The following SYNPO2 variants were observed in gnomAD, a reference collection of about 807,000 sequenced individuals.
SYNPO2 encodes synaptopodin 2.
SYNPO2 carries 56 observed loss-of-function variants against 85.0 expected under a neutral mutation model. The observed-to-expected ratio is 0.66, with a 90% CI of 0.53 to 0.82. The LOEUF (loss-of-function observed/expected upper bound fraction) is 0.82, where lower values mean the gene tolerates loss of function less well. Among genes scored for constraint, SYNPO2 ranks in the 40% least tolerant of loss-of-function variants. The pLI is 0.00. For missense variants in SYNPO2, 1,575 were observed against 1,534.2 expected (o/e 1.03, Z -0.44); for synonymous variants, 602 against 591.1 (o/e 1.02, Z -0.27).
intron 2 of SYNPO2, among the ~76,000 whole-genome samples, chr4:119,026,180 G>A (rs1737934099): frequency 6.6e-6 from 1 of 152,156 alleles, no homozygotes; most frequent in South Asian, 2.1e-4. Context: ...GACTAGTTGA[G>A]TTATCTGTAA....
In SYNPO2 at chr4:119,057,986, C is replaced by G. The variant is rs1273087012; in HGVS notation, c.*52C>G. ...ACTGTAGTTTTTTAAAAAAAACGCTCCTTTGTAGGGTTTTAAACTTTTCTA... is the reference window on the plus strand; with the variant it reads ...ACTGTAGTTTTTTAAAAAAAACGCTGCTTTGTAGGGTTTTAAACTTTTCTA... On this transcript the variant is annotated 3_prime_UTR_variant, in exon 5 of 5. Transcript: ENST00000307142. 6.5e-7 allele frequency: 1 copy of G among 1,541,966 alleles called. No individual in the cohort carries two copies. Among genetic ancestry groups the G allele is most frequent in the East Asian group, 2.3e-5 (1 of 44,428 alleles).
rs1737120952 is a variant in SYNPO2 at position 119,007,360 on chromosome 4, C to T, written c.106-16070C>T. On this transcript the variant is annotated intron_variant, in intron 1 of 4. Coordinates refer to ENST00000307142, the MANE Select transcript of SYNPO2 (RefSeq NM_133477.3). Reference sequence around the variant, plus strand: ...ACTAACTTTTTTAAAAACTGGAAGGCATGGGAGAAAAAGATCATCCTGAAA... The same window carrying T: ...ACTAACTTTTTTAAAAACTGGAAGGTATGGGAGAAAAAGATCATCCTGAAA... 2.1e-5 allele frequency among the ~76,000 whole-genome samples: 3 copies of T among 140,496 alleles called. No individual in the cohort carries two copies. In the South Asian group the frequency reaches 6.8e-4, roughly 32 times the overall value. The allele number at this position is 140,496 out of a possible 152,430, so 92.2% of individuals were successfully genotyped here.
intron 2 of SYNPO2, 69 bp downstream of exon 2, chr4:119,023,650 C>A: frequency 6.9e-7 from 1 of 1,456,590 alleles, no homozygotes; most frequent in Non-Finnish European, 9.2e-7. Context: ...GCTTTTACTA[C>A]ATATATAACT....
chr4:118,926,616 C>T (rs1733719467), intron 1 of SYNPO2, among the ~76,000 whole-genome samples: 1 of 152,106 alleles, frequency 6.6e-6, no homozygotes, highest in African/African-American at 2.4e-5. Context: ...CAAAAACACA[C>T]AGCAACCCTG....
At chr4:119,036,729 A>T (rs1738526293) in intron 4 of SYNPO2, 1 of 986,804 alleles carries the variant, frequency 1.0e-6, no homozygotes, top group Admixed American at 6.1e-5. Flanking sequence ...AGATGCAGCC[A>T]GTTTCTTAAT....
At chr4:118,977,146 G>A (rs12500572) in intron 1 of SYNPO2, among the ~76,000 whole-genome samples, 1 of 152,012 alleles carries the variant, frequency 6.6e-6, no homozygotes, top group East Asian at 1.9e-4. Context: ...GCCCATGGAG[G>A]GGGTGGGAGG....
chr4:118,945,903 A>G (rs28606442), intron 1 of SYNPO2, among the ~76,000 whole-genome samples: 16,403 of 151,528 alleles, frequency 0.11, 952 homozygotes, highest in East Asian at 0.16. Flanking sequence ...GCACCACCAC[A>G]CCTGGCTAAT....
At chr4:119,022,652 G>A (rs1163018273) in intron 1 of SYNPO2, among the ~76,000 whole-genome samples, 2 of 145,350 alleles carry the variant, frequency 1.4e-5, no homozygotes, top group Non-Finnish European at 3.0e-5. Context: ...CACTGTGCCT[G>A]GCCTGAATTA....
At chr4:118,878,808 T>TG (rs1731978248) in intron 1 of SYNPO2, among the ~76,000 whole-genome samples, 1 of 152,118 alleles carries the variant, frequency 6.6e-6, no homozygotes, top group Admixed American at 6.5e-5. Context: ...AGGACATGGG[T>TG]GGGGCCAAAT....
At chr4:118,955,016 TTTAC>T (rs1323063243) in intron 1 of SYNPO2, among the ~76,000 whole-genome samples, 1 of 138,404 alleles carries the variant, frequency 7.2e-6, no homozygotes, top group East Asian at 2.1e-4. Context: ...TTTTTTTTTT[TTTAC>T]ACAGAGTCTC....
intron 1 of SYNPO2, among the ~76,000 whole-genome samples, chr4:118,981,550 A>G (rs1289762534): frequency 6.6e-6 from 1 of 152,130 alleles, no homozygotes; most frequent in African/African-American, 2.4e-5. Flanking sequence ...TTTTCCCTGA[A>G]TGCGTTGTCT....
intron 1 of SYNPO2, among the ~76,000 whole-genome samples, chr4:118,895,843 TC>T (rs1732534261): frequency 6.6e-6 from 1 of 152,228 alleles, no homozygotes; most frequent in African/African-American, 2.4e-5. Context: ...CAAAATAACT[TC>T]TCTCTGTCAG....
chr4:119,055,203 G>A (rs1384341864), intron 4 of SYNPO2, among the ~76,000 whole-genome samples: 1 of 151,706 alleles, frequency 6.6e-6, no homozygotes, highest in Non-Finnish European at 1.5e-5. Context: ...CCAGGCTGGA[G>A]TGCAGTGGTG....
chr4:119,035,753 G>A, intron 4 of SYNPO2: 1 of 983,246 alleles, frequency 1.0e-6, no homozygotes, highest in Non-Finnish European at 1.2e-6. Context: ...AGGCATTGTA[G>A]GACAGCTGAG....
chr4:118,860,140 A>C (rs767828050), intron 1 of SYNPO2, among the ~76,000 whole-genome samples: 28 of 152,082 alleles, frequency 1.8e-4, no homozygotes, highest in Non-Finnish European at 3.7e-4. Flanking sequence ...TGTAGTTTTG[A>C]TATGCATTTC....
chr4:118,927,765 A>AGACAGATAGATGATAGAT (rs1553938521), intron 1 of SYNPO2, among the ~76,000 whole-genome samples: 1 of 93,704 alleles, frequency 1.1e-5, no homozygotes, highest in Non-Finnish European at 2.3e-5. Context: ...ATAGATATAT[A>AGACAGATAGATGATAGAT]GATAGATAGA....
upstream of SYNPO2, among the ~76,000 whole-genome samples, chr4:118,887,232 C>A (rs932051483): frequency 6.6e-6 from 1 of 150,598 alleles, no homozygotes; most frequent in Non-Finnish European, 1.5e-5. Flanking sequence ...TCAGGGCTGT[C>A]CAGGGCTGAT....
chr4:118,956,961 C>G (rs535603753), intron 1 of SYNPO2, among the ~76,000 whole-genome samples: 4 of 152,056 alleles, frequency 2.6e-5, no homozygotes, highest in Admixed American at 6.5e-5. Flanking sequence ...AGGAGAATCA[C>G]TTGAACCTGG....
intron 3 of SYNPO2, among the ~76,000 whole-genome samples, chr4:119,028,485 C>G (rs934553009): frequency 1.3e-5 from 2 of 152,026 alleles, no homozygotes; most frequent in African/African-American, 4.8e-5. Context: ...GCATATTAAA[C>G]AAGAGTATTG....
Sources: allele counts gnomAD v4.1 joint callset (sites outside exome capture counted in the v4.1 genomes callset), GRCh38; gene constraint gnomAD v4.1.1; transcripts MANE v1.5; gene names NCBI Gene and HGNC (gene_info 2026-07-23, HGNC 2026-07-21).